The following HNRNPR variants were observed in gnomAD, a reference collection of about 807,000 sequenced individuals.
HNRNPR encodes the protein heterogeneous nuclear ribonucleoprotein R.
In HNRNPR, 4 loss-of-function variants were observed where a neutral mutation model predicts 70.3. The ratio of observed to expected loss-of-function variants is 0.06; its 90% confidence interval spans 0.03 to 0.13. The LOEUF is 0.13. Ranked by LOEUF, HNRNPR falls within the 10% of genes least tolerant of loss-of-function variation. The pLI is 1.00. For missense variants in HNRNPR, 423 were observed against 788.5 expected (o/e 0.54, Z 5.55); for synonymous variants, 241 against 267.6 (o/e 0.90, Z 0.97).
intron 4 of HNRNPR, among the ~76,000 whole-genome samples, chr1:23,336,814 A>C (rs1218339033): frequency 6.6e-6 from 1 of 151,750 alleles, no homozygotes; most frequent in African/African-American, 2.4e-5. Context: ...GCAAGACACG[A>C]GTATCCATTT....
At chr1:23,343,132 A>G (rs1374793365) in intron 1 of HNRNPR, among the ~76,000 whole-genome samples, 1 of 152,088 alleles carries the variant, frequency 6.6e-6, no homozygotes, top group Non-Finnish European at 1.5e-5. Flanking sequence ...CAGCCAAACC[A>G]TATTTCTGGA....
intron 4 of HNRNPR, 120 bp from the exon 5 acceptor site, chr1:23,333,751 T>TA (rs893243830): frequency 4.3e-3 from 2,167 of 502,954 alleles, no homozygotes; most frequent in South Asian, 8.8e-3. Context: ...TATGGTTAGG[T>TA]AAAAAAAAAA....
Position 23,331,347 on chromosome 1 carries a change from A to G in HNRNPR, c.498+2171T>C, listed in dbSNP as rs568414312. 1.9e-4 allele frequency among the ~76,000 whole-genome samples: 29 copies of G among 150,396 alleles called. No homozygotes were observed. The South Asian group carries it at 6.1e-3, about 32-fold the overall frequency. ...GAGACCAAAGTGGGAAGATCACTTC[A>G]GCCCATGAGTTGGAGACCAGTTGGG... On this transcript the variant is annotated intron_variant, in intron 5 of 10. Transcript: ENST00000302271.
At position 23,306,624 on chromosome 1, in the gene HNRNPR, A is replaced by G. The variant is rs1645206103; in HGVS notation, c.*3830T>C. The G allele has an allele frequency of 6.6e-6, 1 of 152,060 alleles. No individual in the cohort carries two copies. 9.4% of individuals were successfully genotyped at this position (152,060 alleles called of 1,614,324 possible). On this transcript the variant is annotated 3_prime_UTR_variant, in exon 11 of 11. Transcript: ENST00000302271. ...ACAAAACAAAACAAAACAAAACCAG[A>G]GCTTCTGGTAACCTCTAAATAAAAA...
At position 23,327,583 on chromosome 1, in the gene HNRNPR, T is replaced by C. The variant is rs549001007; in HGVS notation, c.499-3851A>G. ...CACAAGCCTGTAATCCCAGCTACTC[T>C]GGAGGCTTAGGCAGAAGAATCACTT... On this transcript the variant is annotated intron_variant, in intron 5 of 10. Transcript: ENST00000302271. Among the ~76,000 whole-genome samples, 4 of 152,050 alleles carry C rather than the reference T, an allele frequency of 2.6e-5. No individual in the cohort carries two copies. The South Asian group carries it at 6.2e-4, about 24-fold the overall frequency.
chr1:23,336,424 T>G (rs1646487146), intron 4 of HNRNPR, among the ~76,000 whole-genome samples: 1 of 150,770 alleles, frequency 6.6e-6, no homozygotes, highest in Admixed American at 6.6e-5. Context: ...AAAAAAAAAT[T>G]AGCCGGGCAT....
rs1645196032 is a variant in HNRNPR, at chr1:23,305,907, T to TTAAA, written c.*4546_*4547insTTTA. The TTAAA allele has an allele frequency of 6.6e-6, 1 of 152,226 alleles. No individual in the cohort carries two copies. The highest frequency in any genetic ancestry group is 1.5e-5 in the Non-Finnish European group (1 of 68,022). The allele number at this position is 152,226 out of a possible 1,614,324, so 9.4% of individuals were successfully genotyped here. On this transcript the variant is annotated 3_prime_UTR_variant, in exon 11 of 11. Transcript: ENST00000302271. ...CCATTATTGTCAAACTGCTAAAACT[T>TTAAA]TTTAAAGTTTCATTTTACAGTGTTA...
rs1645223237 is a variant in HNRNPR at position 23,307,661 on chromosome 1, A to C, written c.*2793T>G. 2 of 152,232 alleles carry C rather than the reference A, an allele frequency of 1.3e-5. No individual in the cohort carries two copies. The highest frequency in any genetic ancestry group is 4.8e-5 in the African/African-American group (2 of 41,566). 9.4% of individuals were successfully genotyped at this position (152,232 alleles called of 1,614,324 possible). ...TTAAAATACCTTCATATAAATACAT[A>C]CATTTAAGCAACTGCTATAAATGAG... On this transcript the variant is annotated 3_prime_UTR_variant, in exon 11 of 11. Transcript: ENST00000302271.
rs200996181 is a variant in HNRNPR, at chr1:23,333,541, C to G, written c.475G>C (p.Val159Leu). 6.2e-7 allele frequency: 1 copy of G among 1,611,546 alleles called. No homozygotes were observed. ...GPPPDSVYSG[V>L]QPGIGTEVFV... ...ACCTCCGTTCCAATTCCAGGTTGCACGCCAGAGTACACACTGTCTGGTGGA... is the reference window on the plus strand; with the variant it reads ...ACCTCCGTTCCAATTCCAGGTTGCAGGCCAGAGTACACACTGTCTGGTGGA... The change falls in exon 5 of 11, where the codon GTG (valine) becomes CTG (leucine). Residue 159 changes from valine (V) to leucine (L), a missense_variant. Physicochemically the swap from Val to Leu is conservative, Grantham distance 32. Transcript: ENST00000302271.
chr1:23,312,363 T>C (rs536943335), intron 9 of HNRNPR, among the ~76,000 whole-genome samples: 4 of 152,362 alleles, frequency 2.6e-5, no homozygotes, highest in East Asian at 1.9e-4. Flanking sequence ...TATAATTTCA[T>C]AGGCTTCTTT....
intron 1 of HNRNPR, among the ~76,000 whole-genome samples, chr1:23,342,176 C>A (rs1043339419): frequency 6.6e-6 from 1 of 152,182 alleles, no homozygotes; most frequent in African/African-American, 2.4e-5. Context: ...AGTACTAAGA[C>A]ACATAAGATA....
intron 8 of HNRNPR, among the ~76,000 whole-genome samples, chr1:23,314,305 A>C (rs1361525614): frequency 6.6e-6 from 1 of 152,172 alleles, no homozygotes; most frequent in South Asian, 2.1e-4. Context: ...ATTCCTTTAT[A>C]TAACACTGGA....
In HNRNPR at chr1:23,309,604, G is replaced by A. The variant is rs1189923078; in HGVS notation, c.*850C>T. The A allele has an allele frequency of 6.6e-6, 1 of 152,120 alleles. No homozygotes were observed. The highest frequency in any genetic ancestry group is 1.5e-5 in the Non-Finnish European group (1 of 67,938). The allele number at this position is 152,120 out of a possible 1,614,324, so 9.4% of individuals were successfully genotyped here. On this transcript the variant is annotated 3_prime_UTR_variant, in exon 11 of 11. Transcript: ENST00000302271. Reference sequence around the variant, plus strand: ...CACCAATCAATGAAAGTGCTAATTGGAATAAATACTTGAATTTAGACTAAT... The same window carrying A: ...CACCAATCAATGAAAGTGCTAATTGAAATAAATACTTGAATTTAGACTAAT...
chr1:23,308,903 C>G lies in HNRNPR; in HGVS notation c.*1551G>C, dbSNP rs1019271989. ...ATCCATTTTAATTATTCCCCAATGG[C>G]TTCTGATATTTTTATCATTATAAAA... On this transcript the variant is annotated 3_prime_UTR_variant, in exon 11 of 11. Coordinates refer to ENST00000302271, the MANE Select transcript of HNRNPR (RefSeq NM_005826.5). The G allele has an allele frequency of 1.3e-5, 2 of 151,992 alleles. No individual in the cohort carries two copies. Among genetic ancestry groups the G allele is most frequent in the African/African-American group, 2.4e-5 (1 of 41,402 alleles). 9.4% of individuals were successfully genotyped at this position (151,992 alleles called of 1,614,324 possible).
intron 4 of HNRNPR, among the ~76,000 whole-genome samples, chr1:23,336,811 A>C (rs1024067452): frequency 1.3e-5 from 2 of 151,738 alleles, no homozygotes; most frequent in East Asian, 3.9e-4. Flanking sequence ...ACAGCAAGAC[A>C]CGAGTATCCA....
At chr1:23,332,856 C>G (rs1198701367) in intron 5 of HNRNPR, among the ~76,000 whole-genome samples, 1 of 151,700 alleles carries the variant, frequency 6.6e-6, no homozygotes, top group African/African-American at 2.4e-5. Context: ...GACCTGGTCT[C>G]TACAGAAACA....
chr1:23,339,065 C>A (rs1013494732), intron 2 of HNRNPR, among the ~76,000 whole-genome samples: 9 of 152,216 alleles, frequency 5.9e-5, no homozygotes, highest in African/African-American at 2.2e-4. Context: ...GGAGGAAAAT[C>A]TGAAAACAAA....
At chr1:23,325,295 G>A (rs140944414) in intron 5 of HNRNPR, among the ~76,000 whole-genome samples, 63 of 152,230 alleles carry the variant, frequency 4.1e-4, no homozygotes, top group African/African-American at 1.5e-3. Flanking sequence ...AAATATAGAA[G>A]TAATAATAGC....
rs1315972364 is a variant in HNRNPR, at chr1:23,309,815, A to G, written c.*639T>C. On this transcript the variant is annotated 3_prime_UTR_variant, in exon 11 of 11. Coordinates refer to ENST00000302271, the MANE Select transcript of HNRNPR (RefSeq NM_005826.5). ...TTGAATAGATTTTTTAGTTTTATTG[A>G]AATCTTACATGAACAAGAAATTGGA... 3 of 152,654 alleles carry G rather than the reference A, an allele frequency of 2.0e-5. No individual in the cohort carries two copies. The highest frequency in any genetic ancestry group is 7.2e-5 in the African/African-American group (3 of 41,452). The allele number at this position is 152,654 out of a possible 1,614,324, so 9.5% of individuals were successfully genotyped here.
Sources: allele counts gnomAD v4.1 joint callset (sites outside exome capture counted in the v4.1 genomes callset), GRCh38; gene constraint gnomAD v4.1.1; transcripts MANE v1.5; gene names NCBI Gene and HGNC (gene_info 2026-07-23, HGNC 2026-07-21).